Variants in LRRIQ4 observed in about 807,000 individuals in gnomAD.
The protein encoded by LRRIQ4 is leucine-rich repeat and IQ domain-containing protein 4.
In LRRIQ4, 21 loss-of-function variants were observed where a neutral mutation model predicts 40.1. The observed-to-expected ratio is 0.52, with a 90% CI of 0.37 to 0.75. The LOEUF (loss-of-function observed/expected upper bound fraction) is 0.75. Ranked by LOEUF, LRRIQ4 falls within the 30% of genes least tolerant of loss-of-function variation. The pLI is 0.00. For missense variants in LRRIQ4, 655 were observed against 660.0 expected (o/e 0.99, Z 0.08); for synonymous variants, 277 against 277.1 (o/e 1.00, Z 0.00).
intron 1 of LRRIQ4, among the ~76,000 whole-genome samples, chr3:169,820,118 G>A (rs1028853329): frequency 1.3e-5 from 2 of 152,166 alleles, no homozygotes; most frequent in African/African-American, 4.8e-5. Flanking sequence ...TCTAGGCACT[G>A]GGCCTCTGTG....
At chr3:169,821,844 G>T in intron 1 of LRRIQ4, 47 bp from the exon 2 acceptor site, 1 of 985,784 alleles carries the variant, frequency 1.0e-6, no homozygotes. Flanking sequence ...AGCAAGTCTG[G>T]TGGCAGGTAA....
Position 169,830,613 on chromosome 3 carries a change from C to G in LRRIQ4, c.1316C>G (p.Ala439Gly). Residue 439 changes from alanine to glycine, a missense_variant, in exon 4 of 6, where the codon GCC (alanine) becomes GGC (glycine). By Grantham distance (60) the Ala-to-Gly change is moderately conservative. Transcript: ENST00000340806. ...RHNLLKQLPD[A>G]ICQAQALKEL... is the part of the protein sequence containing the mutation. ...AATTTGCTTAAGCAACTTCCAGATG[C>G]CATTTGCCAAGCACAAGGTGAGGAA... The G allele has an allele frequency of 6.2e-7, 1 of 1,613,826 alleles. No individual in the cohort carries two copies. Among genetic ancestry groups the G allele is most frequent in the Non-Finnish European group, 8.5e-7 (1 of 1,179,854 alleles).
At chr3:169,837,329 T>C (rs1780327685) in intron 5 of LRRIQ4, 150 bp from the exon 6 acceptor site, 1 of 933,980 alleles carries the variant, frequency 1.1e-6, no homozygotes, top group Non-Finnish European at 1.5e-6. Flanking sequence ...GCCTAGCCAA[T>C]TGAGAAAGAT....
At chr3:169,830,196 A>G (rs1780129804) in intron 3 of LRRIQ4, among the ~76,000 whole-genome samples, 1 of 151,918 alleles carries the variant, frequency 6.6e-6, no homozygotes, top group Non-Finnish European at 1.5e-5. Flanking sequence ...TAAATTATTC[A>G]AATTATTTTT....
Position 169,836,300 on chromosome 3 carries a change from T to A in LRRIQ4, c.1531-1179T>A, listed in dbSNP as rs182004307. On this transcript the variant is annotated intron_variant, in intron 5 of 5. Transcript: ENST00000340806. ...GTAGGCCTCACTGAAAAAATGGCAG[T>A]CTTAGCTTAGGCTGCCACAACAAAA... 1.6e-3 allele frequency among the ~76,000 whole-genome samples: 238 copies of A among 152,126 alleles called. 1 individual carries two copies. The highest frequency in any genetic ancestry group is 5.7e-3 in the African/African-American group (235 of 41,484).
At chr3:169,820,532 C>T (rs1488024667) in intron 1 of LRRIQ4, among the ~76,000 whole-genome samples, 1 of 140,798 alleles carries the variant, frequency 7.1e-6, no homozygotes. Flanking sequence ...GGAATATTGA[C>T]ATCTTTTTTT....
chr3:169,828,381 C>T (rs543890744), intron 2 of LRRIQ4, among the ~76,000 whole-genome samples: 5 of 152,252 alleles, frequency 3.3e-5, no homozygotes, highest in East Asian at 3.9e-4. Flanking sequence ...TATAGGCACC[C>T]GCTACCACAC....
intron 1 of LRRIQ4, among the ~76,000 whole-genome samples, chr3:169,820,053 T>C (rs772775840): frequency 2.6e-5 from 4 of 152,206 alleles, no homozygotes; most frequent in Non-Finnish European, 5.9e-5. Flanking sequence ...GCACATAGTG[T>C]TGTGTTTTGA....
At position 169,836,776 on chromosome 3, in the gene LRRIQ4, G is replaced by A. The variant is rs181432566; in HGVS notation, c.1531-703G>A. Among the ~76,000 whole-genome samples, 352 of 152,278 alleles carry A rather than the reference G, an allele frequency of 2.3e-3. 1 individual carries two copies. Among genetic ancestry groups the A allele is most frequent in the Admixed American group, 5.0e-3 (76 of 15,286 alleles). ...AAGAGTTCCAGGCAAAGAAAGCAGC[G>A]AATATACAGGCCCTGAGTCACAACT... is the stretch of plus-strand genomic sequence containing the variant. On this transcript the variant is annotated intron_variant, in intron 5 of 5. Transcript: ENST00000340806.
rs61754874 is a variant in LRRIQ4, at chr3:169,822,202, G to A, written c.281G>A (p.Ser94Asn). 0.094 allele frequency: 150,661 copies of A among 1,599,778 alleles called. 7,590 individuals carry two copies. The highest frequency in any genetic ancestry group is 0.12 in the Middle Eastern group (710 of 5,950). ...CTGTGCCCGGCGCTGGGGCTGCTGA[G>A]CAGCCTGGAGAGCCTGGACCTGAGC... ...RSLCPALGLL[S>N]SLESLDLSYN... The change falls in exon 2 of 6, where the codon AGC (serine) becomes AAC (asparagine). Residue 94 changes from serine (S) to asparagine (N), a missense_variant. Physicochemically the swap from Ser to Asn is conservative, Grantham distance 46. Transcript: ENST00000340806.
At position 169,837,480 on chromosome 3, in the gene LRRIQ4, T is replaced by C; in HGVS notation, c.1532T>C (p.Ile511Thr). The C allele has an allele frequency of 6.2e-7, 1 of 1,602,138 alleles. No individual in the cohort carries two copies. Among genetic ancestry groups the C allele is most frequent in the South Asian group, 1.2e-5 (1 of 86,736 alleles). The change falls in exon 6 of 6, where the codon ATT becomes ACT. Residue 511 changes from isoleucine (I) to threonine (T), a missense_variant and splice_region_variant. Physicochemically the swap from Ile to Thr is moderately conservative, Grantham distance 89. Coordinates refer to ENST00000340806, the MANE Select transcript of LRRIQ4 (RefSeq NM_001080460.3). The stretch of plus-strand genomic sequence containing the variant: ...AATTTGGGTTTATCTTGTTTTCAGA[T>C]TCAGGCATGGTGGCGTGGAACAATG... ...NRNRNIMATK[I>T]QAWWRGTMVQ...
intron 1 of LRRIQ4, among the ~76,000 whole-genome samples, chr3:169,816,674 C>CTTTT (rs34890404): frequency 7.4e-6 from 1 of 136,044 alleles, no homozygotes; most frequent in Non-Finnish European, 1.6e-5. Context: ...TTTTCTTCTA[C>CTTTT]TTTTTTTTTT....
At chr3:169,827,786 A>G (rs1780074067) in intron 2 of LRRIQ4, among the ~76,000 whole-genome samples, 1 of 152,170 alleles carries the variant, frequency 6.6e-6, no homozygotes, top group African/African-American at 2.4e-5. Flanking sequence ...GGTGGTGTTT[A>G]GATAAAACTG....
In LRRIQ4 at chr3:169,822,169, T is replaced by C. The variant is rs374264639; in HGVS notation, c.248T>C (p.Leu83Pro). 2.5e-5 allele frequency: 41 copies of C among 1,609,978 alleles called. No homozygotes were observed. The highest frequency in any genetic ancestry group is 2.9e-5 in the Non-Finnish European group (34 of 1,178,974). The change falls in exon 2 of 6, where the codon CTG becomes CCG. Residue 83 changes from leucine (L) to proline (P), a missense_variant. Coordinates refer to ENST00000340806, the MANE Select transcript of LRRIQ4 (RefSeq NM_001080460.3). ...IRVLYLDKNN[L>P]RSLCPALGLL... Reference sequence around the variant, plus strand: ...GTCCTCTACCTGGATAAGAACAACCTGAGGAGCCTGTGCCCGGCGCTGGGG... The same window carrying C: ...GTCCTCTACCTGGATAAGAACAACCCGAGGAGCCTGTGCCCGGCGCTGGGG...
At position 169,822,526 on chromosome 3, in the gene LRRIQ4, C is replaced by G. The variant is rs758789510; in HGVS notation, c.605C>G (p.Ala202Gly). The change falls in exon 2 of 6, where the codon GCC becomes GGC. Residue 202 changes from alanine to glycine, a missense_variant. Physicochemically the swap from Ala to Gly is moderately conservative, Grantham distance 60. Coordinates refer to ENST00000340806, the MANE Select transcript of LRRIQ4 (RefSeq NM_001080460.3). ...GACCTGGACGAGAACAAAATAGGTG[C>G]CATCCCAGAAGAGATCGGACACCTG... ...IIDLDENKIG[A>G]IPEEIGHLTG... The G allele has an allele frequency of 3.1e-6, 5 of 1,613,914 alleles. No individual in the cohort carries two copies. Among genetic ancestry groups the G allele is most frequent in the Non-Finnish European group, 4.2e-6 (5 of 1,179,848 alleles).
intron 2 of LRRIQ4, among the ~76,000 whole-genome samples, chr3:169,828,260 T>G (rs1780085575): frequency 6.6e-6 from 1 of 152,066 alleles, no homozygotes; most frequent in South Asian, 2.1e-4. Flanking sequence ...TGAGACAGAT[T>G]CTCGCTCTGT....
chr3:169,837,413 G>A, intron 5 of LRRIQ4, 66 bp from the exon 6 acceptor site: 1 of 1,504,238 alleles, frequency 6.6e-7, no homozygotes, highest in Non-Finnish European at 8.9e-7. Context: ...AGAATAAAGA[G>A]ATTTAACAAT....
intron 1 of LRRIQ4, among the ~76,000 whole-genome samples, chr3:169,818,487 G>A (rs1264850670): frequency 6.6e-6 from 1 of 152,054 alleles, no homozygotes; most frequent in African/African-American, 2.4e-5. Context: ...AGATGTATTT[G>A]TACAGAATTC....
chr3:169,820,081 T>C (rs1277696394), intron 1 of LRRIQ4, among the ~76,000 whole-genome samples: 1 of 152,242 alleles, frequency 6.6e-6, no homozygotes, highest in Non-Finnish European at 1.5e-5. Context: ...CAGTATTATG[T>C]ATGGGGCTAG....
Sources: allele counts gnomAD v4.1 joint callset (sites outside exome capture counted in the v4.1 genomes callset), GRCh38; gene constraint gnomAD v4.1.1; transcripts MANE v1.5; gene names NCBI Gene and HGNC (gene_info 2026-07-23, HGNC 2026-07-21).